Variants in AMBRA1 observed in about 807,000 individuals in gnomAD.
AMBRA1 encodes activating molecule in BECN1-regulated autophagy protein 1.
Under a neutral mutation model 125.4 loss-of-function variants are expected in AMBRA1, and 47 were observed. The observed-to-expected ratio is 0.37, with a 90% CI of 0.30 to 0.48. The LOEUF is 0.48. AMBRA1 is among the 20% of genes least tolerant of loss of function. AMBRA1 has a pLI of 0.99. For missense variants in AMBRA1, 1,331 were observed against 1,693.4 expected (o/e 0.79, Z 3.76); for synonymous variants, 626 against 655.5 (o/e 0.95, Z 0.69).
intron 7 of AMBRA1, among the ~76,000 whole-genome samples, chr11:46,517,893 T>G (rs1029916290): frequency 3.4e-5 from 5 of 147,966 alleles, no homozygotes; most frequent in Non-Finnish European, 4.5e-5. Context: ...TATAAAAAAC[T>G]ATAAGCATAT....
chr11:46,449,282 T>C (rs1315019916), intron 11 of AMBRA1, among the ~76,000 whole-genome samples: 2 of 152,208 alleles, frequency 1.3e-5, no homozygotes, highest in Admixed American at 6.5e-5. Context: ...CATCACTGTC[T>C]AATCCCAAAG....
intron 1 of AMBRA1, among the ~76,000 whole-genome samples, chr11:46,585,581 G>C (rs1192252849): frequency 3.9e-5 from 5 of 126,768 alleles, no homozygotes; most frequent in Non-Finnish European, 8.0e-5. Flanking sequence ...CAGGAGAATC[G>C]CTTGAACCAA....
rs984551239 is a variant in AMBRA1, at chr11:46,542,076, C to A, written c.1941G>T (p.Gly647=). The part of the protein sequence containing the change: ...SASPQEERTV[G]VAFNQETGHW... The stretch of plus-strand genomic sequence containing the variant: ...GGCCTGTCTCCTGGTTAAAGGCCAC[C>A]CCCACAGTCCTCTCCTCCTGCGGAC... The change falls in exon 7 of 18, where the codon GGG becomes GGT. Residue 647 remains glycine, a synonymous_variant. Coordinates refer to ENST00000683756, the MANE Select transcript of AMBRA1 (RefSeq NM_001387011.1). This position sits in a 1 kb window ranked among gnomAD's most constrained non-coding sequence, Gnocchi z 5.9. The A allele has an allele frequency of 2.5e-6, 4 of 1,613,784 alleles. No homozygotes were observed. Among genetic ancestry groups the A allele is most frequent in the Non-Finnish European group, 2.5e-6 (3 of 1,179,900 alleles).
At chr11:46,408,143 G>A (rs1761759015) in intron 17 of AMBRA1, among the ~76,000 whole-genome samples, 1 of 152,204 alleles carries the variant, frequency 6.6e-6, no homozygotes, top group South Asian at 2.1e-4. Context: ...ACTGGTAGGG[G>A]GACGACAAGC....
chr11:46,573,276 G>A (rs1019351182), intron 1 of AMBRA1, among the ~76,000 whole-genome samples: 6 of 151,322 alleles, frequency 4.0e-5, no homozygotes, highest in Middle Eastern at 3.4e-3. Flanking sequence ...GTGGTGGCAC[G>A]CACCTGTAAT....
intron 17 of AMBRA1, among the ~76,000 whole-genome samples, chr11:46,398,402 G>T (rs1162618839): frequency 6.6e-6 from 1 of 152,236 alleles, no homozygotes; most frequent in African/African-American, 2.4e-5. Flanking sequence ...GAAACAGTCT[G>T]CTCTGCTTCA....
chr11:46,505,277 TGTTA>T (rs1452223162), intron 9 of AMBRA1, among the ~76,000 whole-genome samples: 1 of 152,206 alleles, frequency 6.6e-6, no homozygotes, highest in Non-Finnish European at 1.5e-5. Flanking sequence ...ATTCCTTCTT[TGTTA>T]TTCTCCCTCC....
rs1945469621 is a variant in AMBRA1 at position 46,396,418 on chromosome 11, G to A, written c.*1032C>T. On this transcript the variant is annotated 3_prime_UTR_variant, in exon 18 of 18. Transcript: ENST00000683756. ...AATAAGAGAGAGGAGCCTGGCGAGG[G>A]GCATGTCATCATTTTAATGATGTGA... 6.6e-6 allele frequency: 1 copy of A among 152,372 alleles called. No individual in the cohort carries two copies. The highest frequency in any genetic ancestry group is 1.5e-5 in the Non-Finnish European group (1 of 67,980). 9.4% of individuals were successfully genotyped at this position (152,372 alleles called of 1,614,324 possible). A position where few individuals can be genotyped will look rare whatever the true frequency, so the allele number is the denominator to read the frequency against.
At chr11:46,420,134 G>C (rs552056667) in intron 14 of AMBRA1, among the ~76,000 whole-genome samples, 1 of 152,096 alleles carries the variant, frequency 6.6e-6, no homozygotes, top group African/African-American at 2.4e-5. Context: ...ACATGGAACT[G>C]GTTCAGGTTT....
chr11:46,459,927 A>G (rs1160730812), intron 11 of AMBRA1, among the ~76,000 whole-genome samples: 1 of 152,232 alleles, frequency 6.6e-6, no homozygotes, highest in Non-Finnish European at 1.5e-5. Flanking sequence ...GAAGTTCAGG[A>G]GCCTCAGGTT....
chr11:46,434,940 G>C lies in AMBRA1; in HGVS notation c.2730C>G (p.Ser910Arg). 1 of 1,614,080 alleles carries C rather than the reference G, an allele frequency of 6.2e-7. No individual in the cohort carries two copies. ...DGQLLAAFIP[S>R]SQRGFPDEGI... is the part of the protein sequence containing the mutation. Reference sequence around the variant, plus strand: ...CTTCATCAGGAAAGCCCCTCTGGCTGCTGGGGATGAAAGCTGCCAGGAGCT... The same window carrying C: ...CTTCATCAGGAAAGCCCCTCTGGCTCCTGGGGATGAAAGCTGCCAGGAGCT... Residue 910 changes from serine (S) to arginine (R), a missense_variant, in exon 13 of 18, where the codon AGC becomes AGG. Physicochemically the swap from Ser to Arg is moderately radical, Grantham distance 110 (BLOSUM62 -1). Transcript: ENST00000683756.
chr11:46,407,397 G>A (rs1426190199), intron 17 of AMBRA1, among the ~76,000 whole-genome samples: 1 of 152,066 alleles, frequency 6.6e-6, no homozygotes, highest in Non-Finnish European at 1.5e-5. Flanking sequence ...CAGGCTTCCT[G>A]GAAAAGGCCT....
At chr11:46,583,681 A>G (rs2044264018) in intron 1 of AMBRA1, among the ~76,000 whole-genome samples, 1 of 142,538 alleles carries the variant, frequency 7.0e-6, no homozygotes, top group Admixed American at 7.0e-5. Flanking sequence ...AAAAAAAAAC[A>G]ACAAAACAAC....
At chr11:46,419,004 G>A (rs1214528138) in intron 14 of AMBRA1, among the ~76,000 whole-genome samples, 7 of 151,856 alleles carry the variant, frequency 4.6e-5, no homozygotes, top group Non-Finnish European at 8.8e-5. Flanking sequence ...GGCGGGAGGG[G>A]GTGATAACAT....
chr11:46,466,522 A>C (rs1273726359), intron 11 of AMBRA1, among the ~76,000 whole-genome samples: 3 of 152,166 alleles, frequency 2.0e-5, no homozygotes, highest in African/African-American at 7.2e-5. Flanking sequence ...GGATAGAAAG[A>C]GGTTACTGCT....
intron 16 of AMBRA1, among the ~76,000 whole-genome samples, chr11:46,409,581 G>C (rs1590727347): frequency 6.6e-6 from 1 of 152,292 alleles, no homozygotes; most frequent in Middle Eastern, 3.4e-3. Flanking sequence ...GGGAGCACAG[G>C]CTGTCCTACA....
intron 10 of AMBRA1, 173 bp downstream of exon 10, chr11:46,493,951 C>G: frequency 1.4e-6 from 1 of 690,294 alleles, no homozygotes; most frequent in Non-Finnish European, 2.4e-6. Context: ...TTTTTCATCT[C>G]TTTTGAATGT....
intron 17 of AMBRA1, among the ~76,000 whole-genome samples, chr11:46,400,473 G>GGTTT (rs1945689550): frequency 2.0e-5 from 1 of 48,874 alleles, no homozygotes; most frequent in African/African-American, 6.5e-5. Context: ...TCTTTCTATA[G>GGTTT]TTTTTTTTTT....
chr11:46,447,251 A>G (rs1030993262), intron 11 of AMBRA1, among the ~76,000 whole-genome samples: 3 of 151,956 alleles, frequency 2.0e-5, no homozygotes, highest in Non-Finnish European at 4.4e-5. Context: ...AAAAAAAAAA[A>G]AGGCCACGCG....
Sources: allele counts gnomAD v4.1 joint callset (sites outside exome capture counted in the v4.1 genomes callset), GRCh38; gene constraint gnomAD v4.1.1; non-coding constraint Gnocchi (gnomAD v3.1); transcripts MANE v1.5; gene names NCBI Gene and HGNC (gene_info 2026-07-23, HGNC 2026-07-21).